DNAH10: variants seen among roughly 807,000 people sequenced by gnomAD.
DNAH10 encodes axonemal beta dynein heavy chain 10.
Under a neutral mutation model 506.6 loss-of-function variants are expected in DNAH10, and 348 were observed. The ratio of observed to expected loss-of-function variants is 0.69; its 90% CI spans 0.63 to 0.75. The LOEUF (loss-of-function observed/expected upper bound fraction) is 0.75, where lower values mean the gene tolerates loss of function less well. Ranked by LOEUF, DNAH10 falls within the 30% of genes least tolerant of loss-of-function variation. The probability of loss-of-function intolerance (pLI) is 0.00; values close to 1 mark genes in which losing one functional copy is unlikely to be tolerated. For synonymous variants in DNAH10, 2,059 were observed against 2,198.6 expected (o/e 0.94, Z 1.78); for missense variants, 5,179 against 5,787.1 (o/e 0.89, Z 3.41).
At chr12:123,905,998 A>C (rs1056676511) in intron 57 of DNAH10, among the ~76,000 whole-genome samples, 6 of 149,876 alleles carry the variant, frequency 4.0e-5, no homozygotes, top group Non-Finnish European at 5.9e-5. Flanking sequence ...GCTCACTGCA[A>C]CCTCCGCCTC....
intron 8 of DNAH10, among the ~76,000 whole-genome samples, chr12:123,784,454 G>A (rs1957776267): frequency 6.6e-6 from 1 of 152,106 alleles, no homozygotes; most frequent in Non-Finnish European, 1.5e-5. Context: ...GGCTGAGGTG[G>A]AAGGATTGCT....
At position 123,913,111 on chromosome 12, in the gene DNAH10, A is replaced by C. The variant is rs774987978; in HGVS notation, c.10148A>C (p.Glu3383Ala). 2 of 1,610,038 alleles carry C rather than the reference A, an allele frequency of 1.2e-6. No individual in the cohort carries two copies. Among genetic ancestry groups the C allele is most frequent in the African/African-American group, 1.3e-5 (1 of 74,990 alleles). ...GTCTTCACTTAGGTGGCCAGGCTGG[A>C]GCGGAATTTTTACCTCACTAAACGG... ...KPKREKVARL[E>A]RNFYLTKREL... The change falls in exon 60 of 79, where the codon GAG becomes GCG. Residue 3383 changes from glutamate (E) to alanine (A), a missense_variant. This residue lies in a region of DNAH10 where 4,844 missense variants were observed against 5,430.5 expected (regional missense o/e 0.89). Transcript: ENST00000673944. This position sits in a 1 kb window ranked among gnomAD's most constrained non-coding sequence, Gnocchi z 5.1.
chr12:123,867,645 A>G lies in DNAH10; in HGVS notation c.7302+44A>G, dbSNP rs767735678. The stretch of plus-strand genomic sequence containing the variant: ...TGTTAGCAAAAAGAAATTCTTTCCT[A>G]AAGACAAGCTCACGGTAGGGTTTTA... On this transcript the variant is annotated intron_variant, in intron 42 of 78. Coordinates refer to ENST00000673944, the MANE Select transcript of DNAH10 (RefSeq NM_001372106.1). 4.3e-6 allele frequency: 7 copies of G among 1,609,780 alleles called. No homozygotes were observed. The South Asian group carries it at 7.8e-5, about 18-fold the overall frequency.
intron 5 of DNAH10, among the ~76,000 whole-genome samples, chr12:123,774,796 G>A (rs143456131): frequency 1.3e-5 from 2 of 152,316 alleles, no homozygotes; most frequent in African/African-American, 2.4e-5. Flanking sequence ...CAGCTTGGGC[G>A]TTGGGGCCAT....
rs780388297 is a variant in DNAH10, at chr12:123,818,949, G to A, written c.3781-1G>A. 1 of 1,584,490 alleles carries A rather than the reference G, an allele frequency of 6.3e-7. No homozygotes were observed. Among genetic ancestry groups the A allele is most frequent in the Non-Finnish European group, 8.6e-7 (1 of 1,161,892 alleles). ...TTCTGTTTTTTGTTTCTCCTAATTAGCCTCCTGATGCAGAGAAAGAACTGG... is the reference window on the plus strand; with the variant it reads ...TTCTGTTTTTTGTTTCTCCTAATTAACCTCCTGATGCAGAGAAAGAACTGG... On this transcript the variant is annotated splice_acceptor_variant, in intron 21 of 78. Coordinates refer to ENST00000673944, the MANE Select transcript of DNAH10 (RefSeq NM_001372106.1). LOFTEE classifies it high-confidence loss of function.
chr12:123,835,772 G>C (rs1000701171), intron 28 of DNAH10, among the ~76,000 whole-genome samples: 32 of 152,250 alleles, frequency 2.1e-4, no homozygotes, highest in African/African-American at 7.7e-4. Context: ...CTACAGGCAT[G>C]TGCTGCCATG....
intron 24 of DNAH10, 61 bp from the exon 25 acceptor site, chr12:123,826,626 T>C (rs2136461346): frequency 3.4e-6 from 5 of 1,482,580 alleles, no homozygotes; most frequent in Middle Eastern, 2.4e-4. Context: ...AAGAACTTGC[T>C]CTCCTTGTTG....
rs367602972 is a variant in DNAH10, at chr12:123,813,792, T to G, written c.3660T>G (p.Leu1220=). The change falls in exon 21 of 79, where the codon CTT becomes CTG. Residue 1220 remains leucine (L), a synonymous_variant. Coordinates refer to ENST00000673944, the MANE Select transcript of DNAH10 (RefSeq NM_001372106.1). ...ACCTTAGGAAGATCCCCAATACCCT[T>G]GAAGATCTCAAGTTTGTCCTTGCAA... ...AKNLRKIPNT[L]EDLKFVLATI... is the part of the protein sequence containing the mutation. 44 of 1,613,208 alleles carry G rather than the reference T, an allele frequency of 2.7e-5. No individual in the cohort carries two copies. The highest frequency in any genetic ancestry group is 3.6e-5 in the Non-Finnish European group (42 of 1,179,828).
intron 65 of DNAH10, among the ~76,000 whole-genome samples, chr12:123,921,967 G>A (rs962464030): frequency 6.6e-5 from 10 of 151,672 alleles, no homozygotes; most frequent in African/African-American, 1.5e-4. Context: ...TGCCCACCCC[G>A]GCCTCCCAAA....
intron 48 of DNAH10, 41 bp from the exon 49 acceptor site, chr12:123,879,223 A>T: frequency 6.5e-7 from 1 of 1,529,834 alleles, no homozygotes; most frequent in Non-Finnish European, 8.9e-7. Flanking sequence ...GGTATCCTTC[A>T]GGTGACTTCC....
intron 1 of DNAH10, among the ~76,000 whole-genome samples, chr12:123,766,851 G>A (rs973937865): frequency 6.6e-6 from 1 of 150,768 alleles, no homozygotes; most frequent in African/African-American, 2.4e-5. Context: ...TTATGTAAAT[G>A]TTAGTGTAGT....
chr12:123,801,878 C>T (rs770236069), intron 16 of DNAH10, among the ~76,000 whole-genome samples: 9 of 152,176 alleles, frequency 5.9e-5, no homozygotes, highest in Non-Finnish European at 1.0e-4. Context: ...AACACCACAG[C>T]GAGTACTGTC....
intron 55 of DNAH10, among the ~76,000 whole-genome samples, chr12:123,898,269 G>A (rs1318520472): frequency 6.6e-6 from 1 of 152,190 alleles, no homozygotes; most frequent in Non-Finnish European, 1.5e-5. Flanking sequence ...GGAGTGCAGT[G>A]GTGCAACCAT....
chr12:123,903,166 T>C lies in DNAH10; in HGVS notation c.9815+53T>C. 5 of 1,538,934 alleles carry C rather than the reference T, an allele frequency of 3.2e-6. No individual in the cohort carries two copies. The highest frequency in any genetic ancestry group is 4.4e-6 in the Non-Finnish European group (5 of 1,142,986). Reference sequence around the variant, plus strand: ...CTTCCATTCCACCTCTGCAAGCCAGTAGTCTCCATGATCGTGGCAACCAGG... The same window carrying C: ...CTTCCATTCCACCTCTGCAAGCCAGCAGTCTCCATGATCGTGGCAACCAGG... On this transcript the variant is annotated intron_variant, in intron 57 of 78. Transcript: ENST00000673944. This position sits in a 1 kb window ranked among gnomAD's most constrained non-coding sequence, Gnocchi z 4.6.
At chr12:123,821,207 G>A (rs112312991) in intron 24 of DNAH10, among the ~76,000 whole-genome samples, 84 of 151,728 alleles carry the variant, frequency 5.5e-4, no homozygotes, top group African/African-American at 1.9e-3. Flanking sequence ...TCCAGATTGC[G>A]CCATTGCACT....
In DNAH10 at chr12:123,935,655, GT is replaced by G; in HGVS notation, c.*179del. 1 of 604,262 alleles carries G rather than the reference GT, an allele frequency of 1.7e-6. No individual in the cohort carries two copies. The highest frequency in any genetic ancestry group is 2.6e-6 in the Non-Finnish European group (1 of 378,492). The allele number at this position is 604,262 out of a possible 1,614,324, so 37.4% of individuals were successfully genotyped here. ...CATACAAATTAACCTGAATGGTTTT[GT>G]TTTTAATACTACTTTTTAAAAGGAA... On this transcript the variant is annotated 3_prime_UTR_variant, in exon 79 of 79. Transcript: ENST00000673944.
rs116723806 is a variant in DNAH10, at chr12:123,908,600, G to A, written c.9816-661G>A. On this transcript the variant is annotated intron_variant, in intron 57 of 78. Transcript: ENST00000673944. ...CTTCTCTGGCCTTTGTACCAGCGCT[G>A]CTGTTCTGTCTCCTGTTCCGTTGGC... The A allele has an allele frequency of 7.5e-3, 3,421 of 455,482 alleles. 99 individuals are homozygous for A. The highest frequency in any genetic ancestry group is 0.061 in the African/African-American group (3,048 of 50,158). The allele number at this position is 455,482 out of a possible 1,614,324, so 28.2% of individuals were successfully genotyped here.
chr12:123,838,991 T>A (rs996358300), intron 29 of DNAH10, among the ~76,000 whole-genome samples: 5 of 152,066 alleles, frequency 3.3e-5, no homozygotes, highest in African/African-American at 1.2e-4. Context: ...TTTATATATT[T>A]TTTGGAGAGA....
rs1950935205 is a variant in DNAH10, at chr12:123,845,955, C to T, written c.5631-16C>T. Reference sequence around the variant, plus strand: ...TCTCAACGGTTTCCACTTCCTCCACCTTTCTTGCCGTCCAGTATCCTGGAG... The same window carrying T: ...TCTCAACGGTTTCCACTTCCTCCACTTTTCTTGCCGTCCAGTATCCTGGAG... On this transcript the variant is annotated splice_polypyrimidine_tract_variant and intron_variant, in intron 31 of 78. Coordinates refer to ENST00000673944, the MANE Select transcript of DNAH10 (RefSeq NM_001372106.1). The T allele has an allele frequency of 4.3e-6, 7 of 1,613,346 alleles. No homozygotes were observed. The highest frequency in any genetic ancestry group is 3.3e-5 in the Admixed American group (2 of 59,988).
Sources: allele counts gnomAD v4.1 joint callset (sites outside exome capture counted in the v4.1 genomes callset), GRCh38; gene constraint gnomAD v4.1.1; regional missense constraint gnomAD v4.1.1; non-coding constraint Gnocchi (gnomAD v3.1); transcripts MANE v1.5; gene names NCBI Gene and HGNC (gene_info 2026-07-23, HGNC 2026-07-21).